Variants in SLC36A1 observed in about 807,000 individuals in gnomAD.
The protein encoded by SLC36A1 is proton-coupled amino acid transporter 1.
In SLC36A1, 30 loss-of-function variants were observed where a neutral mutation model predicts 47.5. The observed-to-expected ratio is 0.63, with a 90% CI of 0.47 to 0.86. The LOEUF (loss-of-function observed/expected upper bound fraction) is 0.86. SLC36A1 is among the 40% of genes least tolerant of loss of function. SLC36A1 has a pLI of 0.00. For synonymous variants in SLC36A1, 255 were observed against 249.7 expected (o/e 1.02, Z -0.20); for missense variants, 517 against 606.0 (o/e 0.85, Z 1.54).
At chr5:151,504,849 C>T in the SLC36A1 span, 1 of 152,696 alleles carries the variant, frequency 6.5e-6, no homozygotes, top group Non-Finnish European at 1.5e-5. Flanking sequence ...AGTGGTGTGA[C>T]TCTGAGGTGG....
Position 151,489,083 on chromosome 5 carries a change from G to A in SLC36A1, c.*829G>A, listed in dbSNP as rs1379764645. On this transcript the variant is annotated 3_prime_UTR_variant, in exon 11 of 11. Transcript: ENST00000243389. The surrounding 1 kb of genome is among the most constrained non-coding windows in gnomAD (Gnocchi z 4.5). ...GAAGCTCGCTCCAGATGTCTGCATG[G>A]GTCCTCGGCACTCTTGGCTGAGGAC... 1 of 152,086 alleles carries A rather than the reference G, an allele frequency of 6.6e-6. No individual in the cohort carries two copies. 9.4% of individuals were successfully genotyped at this position (152,086 alleles called of 1,614,324 possible). A position where few individuals can be genotyped will look rare whatever the true frequency, so the allele number is the denominator to read the frequency against.
At chr5:151,542,346 A>G in the SLC36A1 span, 2 of 1,613,858 alleles carry the variant, frequency 1.2e-6, no homozygotes, top group Non-Finnish European at 1.7e-6. Context: ...GGGTCTTTAG[A>G]GTCGCCACCA....
intron 2 of SLC36A1, among the ~76,000 whole-genome samples, chr5:151,462,623 A>G (rs1755692801): frequency 6.6e-6 from 1 of 151,592 alleles, no homozygotes; most frequent in African/African-American, 2.4e-5. Flanking sequence ...TTGGCCTCCC[A>G]AAGTGCTGGG....
chr5:151,520,652 T>C, the SLC36A1 span, among the ~76,000 whole-genome samples: 18 of 152,192 alleles, frequency 1.2e-4, no homozygotes, highest in Admixed American at 7.2e-4. Context: ...AGGAGGCAGA[T>C]GTATTTATTT....
In SLC36A1 at chr5:151,458,846, C is replaced by T. The variant is rs781265200; in HGVS notation, c.54C>T (p.Asp18=). ...NEDYHDYSST[D]VSPEESPSEG... ...ACTACCACGACTACAGCTCCACGGA[C>T]GTGAGCCCTGAGGAGAGCCCGTCGG... Residue 18 remains aspartate, a synonymous_variant, in exon 2 of 11, where the codon GAC becomes GAT. Coordinates refer to ENST00000243389, the MANE Select transcript of SLC36A1 (RefSeq NM_078483.4). 10 of 1,614,020 alleles carry T rather than the reference C, an allele frequency of 6.2e-6. No homozygotes were observed. The highest frequency in any genetic ancestry group is 4.0e-5 in the African/African-American group (3 of 74,934).
chr5:151,430,466 G>A, the SLC36A1 span, among the ~76,000 whole-genome samples: 2 of 151,954 alleles, frequency 1.3e-5, no homozygotes, highest in Admixed American at 1.3e-4. Flanking sequence ...GGGATTACAG[G>A]TGCCCGCCAC....
the SLC36A1 span, chr5:151,531,512 C>G: frequency 1.9e-6 from 3 of 1,580,202 alleles, 1 homozygote; most frequent in South Asian, 3.5e-5. The surrounding 1 kb of genome is among the most constrained non-coding windows in gnomAD (Gnocchi z 5.7). Flanking sequence ...GGTAGATACC[C>G]ACACAGGGGA....
At chr5:151,372,971 A>G in the SLC36A1 span, among the ~76,000 whole-genome samples, 1 of 152,174 alleles carries the variant, frequency 6.6e-6, no homozygotes, top group Admixed American at 6.5e-5. Flanking sequence ...TTTGACTTTG[A>G]GAAGATGAGG....
the SLC36A1 span, chr5:151,544,473 A>G: frequency 2.6e-5 from 42 of 1,614,150 alleles, no homozygotes; most frequent in Non-Finnish European, 3.4e-5. Context: ...TCTTGAAGTC[A>G]GTGGTGAACA....
chr5:151,371,838 C>T, the SLC36A1 span, among the ~76,000 whole-genome samples: 1 of 152,028 alleles, frequency 6.6e-6, no homozygotes, highest in Non-Finnish European at 1.5e-5. Context: ...ACTGATCTTC[C>T]TTGGTTTTTC....
intron 2 of SLC36A1, among the ~76,000 whole-genome samples, chr5:151,461,918 A>G (rs1411212438): frequency 6.6e-6 from 1 of 151,928 alleles, no homozygotes; most frequent in Non-Finnish European, 1.5e-5. Context: ...TCTTAAGGCA[A>G]AGACCTCGAG....
At chr5:151,451,308 C>T (rs761145287) in intron 1 of SLC36A1, among the ~76,000 whole-genome samples, 26 of 152,188 alleles carry the variant, frequency 1.7e-4, no homozygotes, top group Non-Finnish European at 3.4e-4. Context: ...CCACCTTGGC[C>T]TCCCAAAGTG....
At chr5:151,521,280 G>T in the SLC36A1 span, 1 of 1,604,782 alleles carries the variant, frequency 6.2e-7, no homozygotes, top group Non-Finnish European at 8.5e-7. Context: ...ACTTACCATT[G>T]CAGGAGCAGC....
chr5:151,549,435 A>C, the SLC36A1 span: 1 of 1,614,098 alleles, frequency 6.2e-7, no homozygotes, highest in South Asian at 1.1e-5. Context: ...GGGTGGGTGG[A>C]GGTTTCCATC....
chr5:151,456,531 G>C (rs1754539958), intron 1 of SLC36A1, among the ~76,000 whole-genome samples: 1 of 152,150 alleles, frequency 6.6e-6, no homozygotes, highest in Non-Finnish European at 1.5e-5. Context: ...TACAATGCTG[G>C]TATTAAGATA....
At chr5:151,477,627 C>T (rs184419099) in intron 9 of SLC36A1, 4 of 152,272 alleles carry the variant, frequency 2.6e-5, no homozygotes, top group East Asian at 3.9e-4. Flanking sequence ...GATTTTAACT[C>T]GTGAGGCATA....
At chr5:151,430,188 G>A in the SLC36A1 span, among the ~76,000 whole-genome samples, 4 of 147,992 alleles carry the variant, frequency 2.7e-5, no homozygotes, top group African/African-American at 5.0e-5. Context: ...TTTCTGAGAC[G>A]GAGTCTTGCT....
chr5:151,529,748 T>C, the SLC36A1 span, among the ~76,000 whole-genome samples: 1 of 152,242 alleles, frequency 6.6e-6, no homozygotes, highest in African/African-American at 2.4e-5. Context: ...TCCATTGACC[T>C]AGATGCTCTA....
the SLC36A1 span, among the ~76,000 whole-genome samples, chr5:151,344,978 C>G: frequency 0.65 from 99,119 of 151,878 alleles, 33,202 homozygotes; most frequent in East Asian, 0.99. Flanking sequence ...GATTTCTTTT[C>G]TCAGCCCAGG....
Sources: gnomAD v4.1 joint callset for allele counts (sites outside exome capture counted in the v4.1 genomes callset) on GRCh38, gnomAD v4.1.1 for gene constraint, Gnocchi (gnomAD v3.1) non-coding constraint, MANE v1.5 for transcripts, NCBI Gene and HGNC (gene_info 2026-07-23, HGNC 2026-07-21) for gene names.